Variants in AIFM1 observed in about 807,000 individuals in gnomAD.
AIFM1 encodes the protein apoptosis-inducing factor 1, mitochondrial.
Under a neutral mutation model 51.7 loss-of-function variants are expected in AIFM1, and 3 were observed. The ratio of observed to expected loss-of-function variants is 0.06; its 90% confidence interval spans 0.03 to 0.15. The LOEUF (loss-of-function observed/expected upper bound fraction) is 0.15. Ranked by LOEUF, AIFM1 falls within the 10% of genes least tolerant of loss-of-function variation. The probability of loss-of-function intolerance (pLI) is 1.00; values close to 1 mark genes in which losing one functional copy is unlikely to be tolerated. For missense variants in AIFM1, 330 were observed against 476.8 expected (o/e 0.69, Z 2.87); for synonymous variants, 178 against 179.4 (o/e 0.99, Z 0.06).
chrX:130,134,000 T>G (rs756315845), intron 12 of AIFM1, among the ~76,000 whole-genome samples: 1 of 110,824 alleles, frequency 9.0e-6, no homozygotes, highest in South Asian at 3.8e-4. Context: ...CCCAGCACTT[T>G]GGGAGACCAA....
At chrX:130,139,970 C>A in intron 7 of AIFM1, 99 bp from the exon 8 acceptor site, 1 of 736,151 alleles carries the variant, frequency 1.4e-6, no homozygotes, top group South Asian at 2.1e-5. Context: ...CTTCACTTAG[C>A]ACCATGGCGG....
At chrX:130,163,101 G>A (rs769748472) in intron 1 of AIFM1, among the ~76,000 whole-genome samples, 5 of 110,396 alleles carry the variant, frequency 4.5e-5, no homozygotes, top group African/African-American at 1.6e-4. Flanking sequence ...ACAAGGTCAG[G>A]AGTTTGAGAC....
At position 130,145,581 on chromosome X, in the gene AIFM1, A is replaced by G. The variant is rs924879021; in HGVS notation, c.606-12T>C. 1 of 1,125,184 alleles carries G rather than the reference A, an allele frequency of 8.9e-7. No individual in the cohort carries two copies. Among genetic ancestry groups the G allele is most frequent in the African/African-American group, 1.8e-5 (1 of 55,645 alleles). 92.7% of individuals were successfully genotyped at this position (1,125,184 alleles called of 1,213,427 possible). On this transcript the variant is annotated splice_polypyrimidine_tract_variant and intron_variant, in intron 5 of 15. Coordinates refer to ENST00000287295, the MANE Select transcript of AIFM1 (RefSeq NM_004208.4). ...GCTGGAAATATATGCTGTATGGAGA[A>G]GAGAGGGAGAATATTATAAGCATGT...
At position 130,139,874 on chromosome X, in the gene AIFM1, G is replaced by A; in HGVS notation, c.782-3C>T. On this transcript the variant is annotated splice_region_variant and splice_polypyrimidine_tract_variant and intron_variant, in intron 7 of 15. Transcript: ENST00000287295. Reference sequence around the variant, plus strand: ...AGACAGACTTCTTGGAGTACCTCCTGGAAATAAGAGAAGGAAAACCCTTTA... The same window carrying A: ...AGACAGACTTCTTGGAGTACCTCCTAGAAATAAGAGAAGGAAAACCCTTTA... The A allele has an allele frequency of 2.5e-6, 3 of 1,204,257 alleles. No homozygotes were observed. Among genetic ancestry groups the A allele is most frequent in the Middle Eastern group, 4.6e-4 (2 of 4,331 alleles).
At chrX:130,162,022 T>A (rs2031369919) in intron 1 of AIFM1, among the ~76,000 whole-genome samples, 1 of 112,594 alleles carries the variant, frequency 8.9e-6, no homozygotes, top group Non-Finnish European at 1.9e-5. Flanking sequence ...AAGGAAAAAT[T>A]ATTTAGATAA....
chrX:130,137,318 CT>C (rs1198299721), intron 9 of AIFM1, 133 bp from the exon 10 acceptor site: 1 of 1,178,503 alleles, frequency 8.5e-7, no homozygotes, highest in Non-Finnish European at 1.1e-6. Flanking sequence ...CGAGCGCCCA[CT>C]TACAGGACAG....
intron 9 of AIFM1, among the ~76,000 whole-genome samples, chrX:130,138,248 C>G (rs769856084): frequency 9.5e-4 from 105 of 110,808 alleles, no homozygotes; most frequent in South Asian, 6.1e-3. Context: ...GGCGGATCAC[C>G]AGGTCAGGAG....
chrX:130,163,337 G>A (rs2124680418), intron 1 of AIFM1, among the ~76,000 whole-genome samples: 1 of 109,752 alleles, frequency 9.1e-6, no homozygotes, highest in East Asian at 2.8e-4. Flanking sequence ...TTAAAGGTAA[G>A]GTGGAGGGAG....
intron 1 of AIFM1, among the ~76,000 whole-genome samples, chrX:130,159,592 CTAAAAA>C (rs1272761786): frequency 9.0e-6 from 1 of 111,134 alleles, no homozygotes; most frequent in Non-Finnish European, 1.9e-5. Flanking sequence ...GGTTCATTTA[CTAAAAA>C]TAAATTTTTT....
chrX:130,138,458 C>G (rs1272128568), intron 9 of AIFM1, 135 bp downstream of exon 9: 1 of 513,126 alleles, frequency 1.9e-6, no homozygotes, highest in African/African-American at 2.4e-5. Context: ...GAGCGAGACT[C>G]CATCTCAAAA....
Position 130,129,520 on chromosome X carries a change from G to A in AIFM1, c.*37C>T, listed in dbSNP as rs966153268. 3 of 1,165,905 alleles carry A rather than the reference G, an allele frequency of 2.6e-6. No homozygotes were observed. The highest frequency in any genetic ancestry group is 3.5e-5 in the African/African-American group (2 of 56,937). On this transcript the variant is annotated 3_prime_UTR_variant, in exon 16 of 16. Coordinates refer to ENST00000287295, the MANE Select transcript of AIFM1 (RefSeq NM_004208.4). ...CCTTTACCCATTCGACCTCCTCTCAGGGGCTGCAGTGGGTTTGCCAATTCC... is the reference window on the plus strand; with the variant it reads ...CCTTTACCCATTCGACCTCCTCTCAAGGGCTGCAGTGGGTTTGCCAATTCC...
chrX:130,153,984 C>T (rs1300396277), intron 2 of AIFM1, among the ~76,000 whole-genome samples: 1 of 112,313 alleles, frequency 8.9e-6, no homozygotes, highest in African/African-American at 3.2e-5. Flanking sequence ...GTTCATAGTT[C>T]TCTTGAGACT....
intron 2 of AIFM1, among the ~76,000 whole-genome samples, chrX:130,152,524 T>C (rs1354200880): frequency 8.9e-6 from 1 of 112,015 alleles, no homozygotes; most frequent in African/African-American, 3.2e-5. Context: ...TATGGTGGCA[T>C]TTATTCAACT....
chrX:130,137,153 A>C lies in AIFM1; in HGVS notation c.1000T>G (p.Phe334Val). The C allele has an allele frequency of 2.5e-6, 3 of 1,211,668 alleles. No individual in the cohort carries two copies. Among genetic ancestry groups the C allele is most frequent in the Non-Finnish European group, 3.4e-6 (3 of 895,521 alleles). The change falls in exon 10 of 16, where the codon TTC becomes GTC. Residue 334 changes from phenylalanine (F) to valine (V), a missense_variant. Physicochemically the swap from Phe to Val is conservative, Grantham distance 50. Coordinates refer to ENST00000287295, the MANE Select transcript of AIFM1 (RefSeq NM_004208.4). ...TTTCCCATATTTCCTTTCTCGGGGA[A>C]GAGTTGAATCACTTCTGTGCCCAAG... is the stretch of plus-strand genomic sequence containing the variant. ...RALGTEVIQL[F>V]PEKGNMGKIL...
At chrX:130,154,934 G>A (rs2031112738) in intron 2 of AIFM1, among the ~76,000 whole-genome samples, 1 of 112,389 alleles carries the variant, frequency 8.9e-6, no homozygotes, top group African/African-American at 3.2e-5. Context: ...GAGGATTTGT[G>A]ATCATCATTA....
In AIFM1 at chrX:130,140,623, A is replaced by G. The variant is rs370918824; in HGVS notation, c.697-6T>C. ...CTCACATCCAGCTGTACTACCTGGT[A>G]CAGTCACACACATACACAAAAGAGG... is the stretch of plus-strand genomic sequence containing the variant. On this transcript the variant is annotated splice_region_variant and splice_polypyrimidine_tract_variant and intron_variant, in intron 6 of 15. Coordinates refer to ENST00000287295, the MANE Select transcript of AIFM1 (RefSeq NM_004208.4). 2.4e-5 allele frequency: 28 copies of G among 1,166,610 alleles called. No individual in the cohort carries two copies. Among genetic ancestry groups the G allele is most frequent in the African/African-American group, 1.8e-5 (1 of 56,639 alleles).
chrX:130,145,749 T>A (rs1163891392), intron 5 of AIFM1, among the ~76,000 whole-genome samples, 180 bp from the exon 6 acceptor site: 1 of 112,056 alleles, frequency 8.9e-6, no homozygotes, highest in Non-Finnish European at 1.9e-5. Flanking sequence ...AGATCAGTGG[T>A]TCTCAACTTG....
chrX:130,142,376 G>A (rs1259443848), intron 6 of AIFM1, among the ~76,000 whole-genome samples: 1 of 110,961 alleles, frequency 9.0e-6, no homozygotes, highest in Non-Finnish European at 1.9e-5. Context: ...CAACCCTCAC[G>A]GTGTTCGCTC....
Position 130,165,770 on chromosome X carries a change from C to G in AIFM1, c.-114G>C. 1.6e-6 allele frequency: 1 copy of G among 625,409 alleles called. No homozygotes were observed. The highest frequency in any genetic ancestry group is 2.6e-6 in the Non-Finnish European group (1 of 378,679). 51.5% of individuals were successfully genotyped at this position (625,409 alleles called of 1,213,427 possible). On this transcript the variant is annotated 5_prime_UTR_variant, in exon 1 of 16. Coordinates refer to ENST00000287295, the MANE Select transcript of AIFM1 (RefSeq NM_004208.4). ...CCAGTCTCTTCACACGCACATTACG[C>G]AGACTCCTCCTCCCAGCTCCGGGTG...
Sources: allele counts gnomAD v4.1 joint callset (sites outside exome capture counted in the v4.1 genomes callset), GRCh38; gene constraint gnomAD v4.1.1; transcripts MANE v1.5; gene names NCBI Gene and HGNC (gene_info 2026-07-23, HGNC 2026-07-21).